PRIM2: variants seen among roughly 807,000 people sequenced by gnomAD.
The protein encoded by PRIM2 is DNA primase subunit 2, also known as DNA primase large subunit.
A neutral mutation model predicts 67.3 loss-of-function variants in PRIM2; 39 were observed. The ratio of observed to expected loss-of-function variants is 0.58; its 90% CI spans 0.45 to 0.76. The LOEUF (loss-of-function observed/expected upper bound fraction) is 0.76. Ranked by LOEUF, PRIM2 falls within the 30% of genes least tolerant of loss-of-function variation. The pLI is 0.00. For synonymous variants in PRIM2, 143 were observed against 198.7 expected, an observed-to-expected ratio of 0.72 and a Z score of 2.36; for missense variants, 398 against 598.7, an observed-to-expected ratio of 0.66 and a Z score of 3.50.
intron 10 of PRIM2, among the ~76,000 whole-genome samples, chr6:57,538,934 A>G (rs1169798489): frequency 5.9e-5 from 9 of 152,142 alleles, no homozygotes; most frequent in Non-Finnish European, 1.3e-4. Flanking sequence ...ATCTCCAATT[A>G]CAGTTGGATT....
the PRIM2 span, among the ~76,000 whole-genome samples, chr6:57,236,886 G>A: frequency 0.042 from 6,413 of 152,272 alleles, 262 homozygotes; most frequent in East Asian, 0.18. Context: ...ACTTGTGCAT[G>A]TGTCCTTATA....
At chr6:57,508,636 T>C (rs1460948533) in intron 8 of PRIM2, among the ~76,000 whole-genome samples, 6 of 152,240 alleles carry the variant, frequency 3.9e-5, no homozygotes, top group Admixed American at 1.3e-4. Flanking sequence ...TATACACTTA[T>C]ATTTGTATAA....
At chr6:57,246,521 G>C in the PRIM2 span, among the ~76,000 whole-genome samples, 2 of 152,262 alleles carry the variant, frequency 1.3e-5, no homozygotes, top group African/African-American at 4.8e-5. Flanking sequence ...GTGAAAGACA[G>C]GATGGTGTTG....
chr6:57,583,297 T>C (rs1415525798), intron 10 of PRIM2, among the ~76,000 whole-genome samples: 4 of 146,906 alleles, frequency 2.7e-5, no homozygotes, highest in Non-Finnish European at 4.5e-5. Flanking sequence ...CATCTAGCAT[T>C]AGGTATATCT....
chr6:57,248,812 C>A, the PRIM2 span, among the ~76,000 whole-genome samples: 1 of 152,200 alleles, frequency 6.6e-6, no homozygotes, highest in Non-Finnish European at 1.5e-5. Context: ...GCCTTAGGCT[C>A]CCTGCCTCCA....
At chr6:57,623,012 A>C (rs1260135631) in intron 12 of PRIM2, among the ~76,000 whole-genome samples, 1 of 152,214 alleles carries the variant, frequency 6.6e-6, no homozygotes, top group African/African-American at 2.4e-5. Context: ...CCAGTGGATG[A>C]TAGTATTCTG....
At chr6:57,259,761 C>T in the PRIM2 span, among the ~76,000 whole-genome samples, 1 of 152,170 alleles carries the variant, frequency 6.6e-6, no homozygotes, top group Admixed American at 6.5e-5. Context: ...CCACTGACTC[C>T]CATCCTTTCA....
chr6:57,507,514 G>C, intron 8 of PRIM2, 60 bp downstream of exon 8: 1 of 1,442,834 alleles, frequency 6.9e-7, no homozygotes, highest in Non-Finnish European at 9.3e-7. Context: ...AGTGAATAAA[G>C]TATATTAAAG....
chr6:57,516,909 G>T (rs1262374421), intron 8 of PRIM2, among the ~76,000 whole-genome samples: 1 of 152,144 alleles, frequency 6.6e-6, no homozygotes, highest in Non-Finnish European at 1.5e-5. Context: ...TGGCATAGTG[G>T]AGGTATGTGA....
intron 8 of PRIM2, among the ~76,000 whole-genome samples, chr6:57,521,327 G>A (rs1377100669): frequency 7.3e-6 from 1 of 136,334 alleles, no homozygotes; most frequent in Non-Finnish European, 1.5e-5. Context: ...CAGGGACTGT[G>A]CTTTCTAAAT....
upstream of PRIM2, among the ~76,000 whole-genome samples, chr6:57,313,825 C>T (rs983130154): frequency 5.3e-5 from 8 of 152,308 alleles, no homozygotes; most frequent in South Asian, 6.2e-4. Flanking sequence ...CGACACACCC[C>T]GCTCAGAAGA....
chr6:57,492,337 G>C (rs1444306844), intron 7 of PRIM2, among the ~76,000 whole-genome samples: 3 of 152,160 alleles, frequency 2.0e-5, no homozygotes, highest in African/African-American at 7.2e-5. Context: ...GAGGTCAGGA[G>C]TTTGAGACCA....
At chr6:57,374,693 T>A (rs9367735) in intron 5 of PRIM2, among the ~76,000 whole-genome samples, 1 of 148,078 alleles carries the variant, frequency 6.8e-6, no homozygotes, top group African/African-American at 2.5e-5. Flanking sequence ...CAGGTTCAAG[T>A]GATCTTCCTG....
At chr6:57,475,418 A>G (rs1229063093) in intron 7 of PRIM2, among the ~76,000 whole-genome samples, 1 of 151,960 alleles carries the variant, frequency 6.6e-6, no homozygotes, top group Admixed American at 6.6e-5. Flanking sequence ...CACTCCATAG[A>G]TTTGCGTATT....
At chr6:57,369,736 G>C (rs1056961770) in intron 5 of PRIM2, among the ~76,000 whole-genome samples, 2 of 152,196 alleles carry the variant, frequency 1.3e-5, no homozygotes, top group African/African-American at 4.8e-5. Context: ...AGATGTTGCA[G>C]TGATAACCTA....
intron 7 of PRIM2, among the ~76,000 whole-genome samples, chr6:57,428,340 A>T (rs1771701155): frequency 6.6e-6 from 1 of 152,190 alleles, no homozygotes; most frequent in African/African-American, 2.4e-5. Flanking sequence ...TCCAAAAGTA[A>T]ATCAAGGGAG....
At chr6:57,239,142 C>A in the PRIM2 span, among the ~76,000 whole-genome samples, 14 of 152,064 alleles carry the variant, frequency 9.2e-5, no homozygotes, top group Non-Finnish European at 1.5e-5. Context: ...AGGCGTGCAC[C>A]ACCATACCCG....
chr6:57,373,671 C>A (rs1256205212), intron 5 of PRIM2, among the ~76,000 whole-genome samples: 1 of 152,126 alleles, frequency 6.6e-6, no homozygotes, highest in Non-Finnish European at 1.5e-5. Context: ...GTATGGCTAG[C>A]CAGTTCTCAC....
intron 10 of PRIM2, among the ~76,000 whole-genome samples, chr6:57,576,553 A>G (rs1775967272): frequency 6.6e-6 from 1 of 152,152 alleles, no homozygotes; most frequent in African/African-American, 2.4e-5. Flanking sequence ...GTTATGAGAA[A>G]GGAACCACTT....
Sources: gnomAD v4.1 joint callset for allele counts (sites outside exome capture counted in the v4.1 genomes callset) on GRCh38, gnomAD v4.1.1 for gene constraint, MANE v1.5 for transcripts, NCBI Gene and HGNC (gene_info 2026-07-23, HGNC 2026-07-21) for gene names.